PEX5L: variants seen among roughly 807,000 people sequenced by gnomAD.
PEX5L encodes PEX5-related protein.
Under a neutral mutation model 84.0 loss-of-function variants are expected in PEX5L, and 30 were observed. The observed-to-expected ratio is 0.36, with a 90% CI of 0.27 to 0.48. The LOEUF is 0.48. Ranked by LOEUF, PEX5L falls within the 20% of genes least tolerant of loss-of-function variation. The pLI is 0.99. For missense variants in PEX5L, 533 were observed against 754.6 expected, an observed-to-expected ratio of 0.71 and a Z score of 3.44; for synonymous variants, 270 against 283.1, an observed-to-expected ratio of 0.95 and a Z score of 0.46.
At chr3:179,995,885 A>C (rs890551217) in intron 1 of PEX5L, among the ~76,000 whole-genome samples, 4 of 152,156 alleles carry the variant, frequency 2.6e-5, no homozygotes, top group Non-Finnish European at 5.9e-5. Flanking sequence ...TGCAACTTGG[A>C]ATGGGGACGT....
intron 5 of PEX5L, among the ~76,000 whole-genome samples, chr3:179,875,770 A>G (rs537583323): frequency 6.6e-6 from 1 of 152,280 alleles, no homozygotes; most frequent in South Asian, 2.1e-4. Context: ...GTTTGACCTG[A>G]ATTTATTTTT....
chr3:179,991,859 G>A (rs765818131), intron 1 of PEX5L, among the ~76,000 whole-genome samples: 1 of 152,060 alleles, frequency 6.6e-6, no homozygotes, highest in Non-Finnish European at 1.5e-5. Context: ...TAAATCATAG[G>A]TAGACATAAC....
intron 8 of PEX5L, among the ~76,000 whole-genome samples, chr3:179,836,778 T>A (rs1018063314): frequency 6.6e-6 from 1 of 152,184 alleles, no homozygotes; most frequent in African/African-American, 2.4e-5. Context: ...TATTTTAGAC[T>A]AAAGTCTGAA....
intron 12 of PEX5L, among the ~76,000 whole-genome samples, chr3:179,808,976 AG>A (rs1328187189): frequency 2.1e-5 from 3 of 142,050 alleles, no homozygotes; most frequent in Non-Finnish European, 4.6e-5. Context: ...CGGGAGGCTG[AG>A]GCAGGAGAAT....
chr3:179,832,539 T>C (rs1432560940), intron 8 of PEX5L, among the ~76,000 whole-genome samples: 22 of 89,980 alleles, frequency 2.4e-4, no homozygotes, highest in South Asian at 4.5e-4. Flanking sequence ...AACCTTCCTA[T>C]TTACTTACAC....
intron 8 of PEX5L, among the ~76,000 whole-genome samples, chr3:179,830,090 C>T (rs146612058): frequency 8.6e-5 from 13 of 151,892 alleles, no homozygotes; most frequent in South Asian, 2.1e-4. Flanking sequence ...AGCCACCGCC[C>T]GGCCTTAAAC....
At chr3:179,808,792 T>A (rs2108767706) in intron 12 of PEX5L, among the ~76,000 whole-genome samples, 2 of 152,174 alleles carry the variant, frequency 1.3e-5, no homozygotes, top group South Asian at 4.1e-4. Context: ...AAACAAAATT[T>A]CTAGGCCGGG....
intron 8 of PEX5L, among the ~76,000 whole-genome samples, chr3:179,848,551 CA>C (rs377561010): frequency 0.033 from 3,207 of 95,770 alleles, 93 homozygotes; most frequent in African/African-American, 0.095. Context: ...AAACCTCTCT[CA>C]AAAAAAAAAA....
chr3:179,952,868 T>A (rs187386093), intron 2 of PEX5L, among the ~76,000 whole-genome samples: 189 of 152,248 alleles, frequency 1.2e-3, no homozygotes, highest in Non-Finnish European at 1.8e-3. Context: ...AGGGCTACAG[T>A]AGCCAAAACA....
At chr3:179,922,757 T>C (rs1196011325) in intron 2 of PEX5L, among the ~76,000 whole-genome samples, 1 of 151,860 alleles carries the variant, frequency 6.6e-6, no homozygotes, top group African/African-American at 2.4e-5. Flanking sequence ...CCCAGCCCTT[T>C]TCTTAATTCT....
At chr3:180,007,287 C>T (rs1195893711) in intron 1 of PEX5L, among the ~76,000 whole-genome samples, 1 of 152,212 alleles carries the variant, frequency 6.6e-6, no homozygotes, top group Admixed American at 6.5e-5. Context: ...CCAGGTCTCA[C>T]ATCCAGGTCA....
At chr3:179,839,777 A>G (rs1445825505) in intron 8 of PEX5L, among the ~76,000 whole-genome samples, 3 of 152,272 alleles carry the variant, frequency 2.0e-5, no homozygotes, top group Non-Finnish European at 4.4e-5. Context: ...GATAATAAAA[A>G]TACACAAATA....
At chr3:179,862,140 G>T (rs762830823) in intron 7 of PEX5L, among the ~76,000 whole-genome samples, 4 of 152,126 alleles carry the variant, frequency 2.6e-5, no homozygotes, top group Non-Finnish European at 4.4e-5. Context: ...GGCATTCTTT[G>T]GCTTATGACT....
intron 5 of PEX5L, among the ~76,000 whole-genome samples, chr3:179,879,340 GTTC>G (rs1560510250): frequency 3.9e-5 from 6 of 152,158 alleles, no homozygotes; most frequent in Non-Finnish European, 2.9e-5. Context: ...AATTTCAACT[GTTC>G]TTCTTATAAA....
At chr3:179,952,959 C>T (rs938617363) in intron 2 of PEX5L, among the ~76,000 whole-genome samples, 6 of 152,070 alleles carry the variant, frequency 3.9e-5, no homozygotes, top group African/African-American at 1.4e-4. Flanking sequence ...ACATCTACAA[C>T]CATCTGATCT....
chr3:180,030,451 G>A (rs1186539032), intron 1 of PEX5L, among the ~76,000 whole-genome samples: 1 of 152,170 alleles, frequency 6.6e-6, no homozygotes, highest in African/African-American at 2.4e-5. Flanking sequence ...CCTCAAGGCT[G>A]TATAGAACAA....
intron 1 of PEX5L, among the ~76,000 whole-genome samples, chr3:179,989,704 G>A (rs1579251574): frequency 1.3e-5 from 2 of 152,076 alleles, no homozygotes; most frequent in East Asian, 3.8e-4. Context: ...GATTGATTGA[G>A]AATAGTGGCT....
chr3:179,892,889 A>G (rs1758027477), intron 3 of PEX5L, among the ~76,000 whole-genome samples: 1 of 152,168 alleles, frequency 6.6e-6, no homozygotes, highest in African/African-American at 2.4e-5. Context: ...ACCAATGTGA[A>G]TGAGAAGCCA....
At chr3:179,971,478 C>T (rs1784723862) in intron 2 of PEX5L, 116 bp downstream of exon 2, 3 of 1,295,586 alleles carry the variant, frequency 2.3e-6, no homozygotes, top group Non-Finnish European at 2.9e-6. Context: ...TCTTGTTATG[C>T]AGGCTTTAGT....
Sources: gnomAD v4.1 joint callset for allele counts (sites outside exome capture counted in the v4.1 genomes callset) on GRCh38, gnomAD v4.1.1 for gene constraint, MANE v1.5 for transcripts, NCBI Gene and HGNC (gene_info 2026-07-23, HGNC 2026-07-21) for gene names.